RMC1: variants seen among roughly 807,000 people sequenced by gnomAD.
RMC1 encodes regulator of MON1-CCZ1 complex.
RMC1 carries 44 observed loss-of-function variants against 95.5 expected under a neutral mutation model. The observed-to-expected ratio is 0.46, with a 90% CI of 0.36 to 0.59. RMC1 has a LOEUF of 0.59. RMC1 is among the 20% of genes least tolerant of loss of function. The pLI is 0.00. For synonymous variants in RMC1, 320 were observed against 303.6 expected (o/e 1.05, Z -0.56); for missense variants, 705 against 819.6 (o/e 0.86, Z 1.71).
intron 5 of RMC1, among the ~76,000 whole-genome samples, chr18:23,511,122 T>C (rs2057846662): frequency 6.6e-6 from 1 of 152,242 alleles, no homozygotes; most frequent in Non-Finnish European, 1.5e-5. Flanking sequence ...GTGGTACATA[T>C]ATACCATGGA....
At chr18:23,513,905 T>C (rs2057929358) in intron 5 of RMC1, among the ~76,000 whole-genome samples, 1 of 152,250 alleles carries the variant, frequency 6.6e-6, no homozygotes, top group South Asian at 2.1e-4. Flanking sequence ...TGTAGTTCTT[T>C]ATATATTCTG....
intron 2 of RMC1, among the ~76,000 whole-genome samples, chr18:23,504,875 C>G (rs1473633309): frequency 6.6e-6 from 1 of 152,088 alleles, no homozygotes. Flanking sequence ...CTGCATAGTC[C>G]CAGTTCGCAC....
chr18:23,508,219 T>A (rs2057761692), intron 4 of RMC1, among the ~76,000 whole-genome samples, 178 bp downstream of exon 4: 1 of 152,210 alleles, frequency 6.6e-6, no homozygotes, highest in Non-Finnish European at 1.5e-5. Flanking sequence ...AACAGTTTTC[T>A]AAGTTTGAAA....
rs1244709049 is a variant in RMC1, at chr18:23,507,011, T to A, written c.221T>A (p.Leu74Ter). 1.9e-6 allele frequency: 3 copies of A among 1,609,940 alleles called. No individual in the cohort carries two copies. The highest frequency in any genetic ancestry group is 2.5e-6 in the Non-Finnish European group (3 of 1,178,126). Residue 74 changes from leucine (L) to a stop codon, truncating the protein, a stop_gained, in exon 3 of 20, where the codon TTA becomes TAA. Coordinates refer to ENST00000269221, the MANE Select transcript of RMC1 (RefSeq NM_013326.5). LOFTEE classifies it high-confidence loss of function. The stretch of plus-strand genomic sequence containing the variant: ...GAAGTGAAGTGCATTAAGTTTTCCT[T>A]AGAAAATAAGATATTGGCTGTTCAG... ...KGEVKCIKFS[L>*]ENKILAVQRT...
chr18:23,516,052 G>A, intron 6 of RMC1, 56 bp downstream of exon 6: 4 of 1,610,936 alleles, frequency 2.5e-6, no homozygotes, highest in Non-Finnish European at 3.4e-6. Flanking sequence ...CCCTGTTCCT[G>A]TAGCATCCTA....
intron 10 of RMC1, among the ~76,000 whole-genome samples, chr18:23,520,865 A>G (rs1010759237): frequency 1.3e-5 from 2 of 152,078 alleles, no homozygotes; most frequent in African/African-American, 4.8e-5. Context: ...ACAGGCGTGC[A>G]CCACCACGCC....
At chr18:23,506,159 TCC>T (rs1451497340) in intron 2 of RMC1, 1 of 144,118 alleles carries the variant, frequency 6.9e-6, no homozygotes, top group Non-Finnish European at 1.5e-5. Flanking sequence ...AGAGCAAGAC[TCC>T]GTCTCAAAAA....
chr18:23,528,962 C>G (rs1004080856), intron 14 of RMC1: 9 of 595,236 alleles, frequency 1.5e-5, no homozygotes, highest in Middle Eastern at 4.9e-4. Context: ...TCACCGCAAC[C>G]TCTGCCTCCT....
At chr18:23,524,245 T>A in intron 11 of RMC1, 71 bp downstream of exon 11, 1 of 1,577,858 alleles carries the variant, frequency 6.3e-7, no homozygotes, top group Admixed American at 1.7e-5. Flanking sequence ...GGTCCTGAAG[T>A]CCTCCTCCGG....
intron 5 of RMC1, among the ~76,000 whole-genome samples, chr18:23,510,395 C>T (rs1309589819): frequency 6.6e-6 from 1 of 150,970 alleles, no homozygotes; most frequent in Non-Finnish European, 1.5e-5. Context: ...CACCTGTAAT[C>T]CCAGCACTTT....
At chr18:23,513,638 T>C (rs1009695210) in intron 5 of RMC1, among the ~76,000 whole-genome samples, 3 of 152,264 alleles carry the variant, frequency 2.0e-5, no homozygotes, top group Non-Finnish European at 4.4e-5. Flanking sequence ...CCATAGCAGT[T>C]ACACCATTTT....
chr18:23,530,329 G>A (rs1567937197), intron 18 of RMC1, 32 bp downstream of exon 18: 1 of 1,614,110 alleles, frequency 6.2e-7, no homozygotes, highest in Non-Finnish European at 8.5e-7. Flanking sequence ...TTAGACTATG[G>A]AAACTAACTC....
intron 5 of RMC1, among the ~76,000 whole-genome samples, chr18:23,514,285 G>A (rs2057940042): frequency 6.6e-6 from 1 of 152,234 alleles, no homozygotes; most frequent in Admixed American, 6.5e-5. Context: ...GGAGGCCGAG[G>A]TGGGCGATCA....
At chr18:23,527,036 C>T (rs891434246) in intron 13 of RMC1, among the ~76,000 whole-genome samples, 10 of 152,104 alleles carry the variant, frequency 6.6e-5, no homozygotes, top group Non-Finnish European at 1.0e-4. Context: ...CTGGCCTTCA[C>T]ACACACCTCT....
intron 19 of RMC1, 35 bp from the exon 20 acceptor site, chr18:23,531,590 A>G (rs1164501481): frequency 6.2e-7 from 1 of 1,603,520 alleles, no homozygotes; most frequent in Non-Finnish European, 8.5e-7. Context: ...ATTTCATGCC[A>G]CATCTAACTG....
intron 5 of RMC1, among the ~76,000 whole-genome samples, chr18:23,509,982 T>C (rs2057808358): frequency 7.8e-6 from 1 of 128,072 alleles, no homozygotes; most frequent in South Asian, 2.5e-4. Flanking sequence ...GGGGATTTTA[T>C]TCTTTTTTTT....
In RMC1 at chr18:23,530,251, A is replaced by G. The variant is rs2058450268; in HGVS notation, c.1622A>G (p.Glu541Gly). Residue 541 changes from glutamate (E) to glycine (G), a missense_variant, in exon 18 of 20, where the codon GAG (glutamate) becomes GGG (glycine). By Grantham distance (98) the Glu-to-Gly change is moderately conservative. Coordinates refer to ENST00000269221, the MANE Select transcript of RMC1 (RefSeq NM_013326.5). ...KPLACLLLSL[E>G]SFYPPAHQLS... is the part of the protein sequence containing the mutation. Reference sequence around the variant, plus strand: ...CAGGCTTGTCTGCTGTTATCCCTAGAGAGTTTCTATCCTCCTGCTCATCAG... The same window carrying G: ...CAGGCTTGTCTGCTGTTATCCCTAGGGAGTTTCTATCCTCCTGCTCATCAG... 3 of 1,614,044 alleles carry G rather than the reference A, an allele frequency of 1.9e-6. No individual in the cohort carries two copies. Among genetic ancestry groups the G allele is most frequent in the African/African-American group, 1.3e-5 (1 of 74,910 alleles).
chr18:23,521,951 G>A (rs11872656), intron 10 of RMC1, among the ~76,000 whole-genome samples: 4,146 of 152,278 alleles, frequency 0.027, 153 homozygotes, highest in African/African-American at 0.095. Flanking sequence ...TGTGCAAGAC[G>A]TAGTCAGATG....
chr18:23,503,569 C>G lies in RMC1; in HGVS notation c.-50C>G. On this transcript the variant is annotated 5_prime_UTR_variant, in exon 1 of 20. Coordinates refer to ENST00000269221, the MANE Select transcript of RMC1 (RefSeq NM_013326.5). ...GCCGGGCTCCACCGCGCATCCTGCTCCACTCTGGCGACCGCCCCCGGGGCC... is the reference window on the plus strand; with the variant it reads ...GCCGGGCTCCACCGCGCATCCTGCTGCACTCTGGCGACCGCCCCCGGGGCC... 2 of 1,419,114 alleles carry G rather than the reference C, an allele frequency of 1.4e-6. No individual in the cohort carries two copies. Among genetic ancestry groups the G allele is most frequent in the African/African-American group, 1.5e-5 (1 of 66,708 alleles). 87.9% of individuals were successfully genotyped at this position (1,419,114 alleles called of 1,614,324 possible).
Sources: allele counts gnomAD v4.1 joint callset (sites outside exome capture counted in the v4.1 genomes callset), GRCh38; gene constraint gnomAD v4.1.1; transcripts MANE v1.5; gene names NCBI Gene and HGNC (gene_info 2026-07-23, HGNC 2026-07-21).